DNAH5: variants seen among roughly 807,000 people sequenced by gnomAD.
The protein encoded by DNAH5 is dynein axonemal heavy chain 5.
Under a neutral mutation model 518.2 loss-of-function variants are expected in DNAH5, and 372 were observed. That is an observed-to-expected ratio of 0.72 (90% confidence interval 0.66 to 0.78). The LOEUF (loss-of-function observed/expected upper bound fraction) is 0.78. DNAH5 is among the 30% of genes least tolerant of loss of function. The pLI is 0.00. For synonymous variants in DNAH5, 2,039 were observed against 2,025.9 expected (o/e 1.01, Z -0.17); for missense variants, 5,523 against 5,687.0 (o/e 0.97, Z 0.93).
rs1753248992 is a variant in DNAH5 at position 13,770,891 on chromosome 5, C to G, written c.9463G>C (p.Gly3155Arg). Residue 3155 changes from glycine to arginine, a missense_variant, in exon 56 of 79, where the codon GGG becomes CGG. By Grantham distance (125) the Gly-to-Arg change is moderately radical. Coordinates refer to ENST00000265104, the MANE Select transcript of DNAH5 (RefSeq NM_001369.3). ...VVQCMGSFQD[G>R]VAEKCVDYFQ... ...TAATCAACACACTTCTCAGCCACCC[C>G]ATCCTGGAAGGAGCCCATGCATTGG... is the stretch of plus-strand genomic sequence containing the variant. 1 of 1,614,008 alleles carries G rather than the reference C, an allele frequency of 6.2e-7. No individual in the cohort carries two copies. The highest frequency in any genetic ancestry group is 8.5e-7 in the Non-Finnish European group (1 of 1,179,998).
In DNAH5 at chr5:13,807,659, A is replaced by C; in HGVS notation, c.7819T>G (p.Tyr2607Asp). The part of the protein sequence containing the change: ...TVIIKGFMSK[Y>D]DPECHMIKSL... ...TTGATCATGTGACATTCAGGATCAT[A>C]TTTTGACATAAATCCTTTAATTATT... is the stretch of plus-strand genomic sequence containing the variant. Residue 2607 changes from tyrosine to aspartate, a missense_variant, in exon 47 of 79, where the codon TAT (tyrosine) becomes GAT (aspartate). This residue lies in a region of DNAH5 where 5,121 missense variants were observed against 5,223.3 expected (regional missense o/e 0.98). Transcript: ENST00000265104. 6.2e-7 allele frequency: 1 copy of C among 1,611,332 alleles called. No individual in the cohort carries two copies. Among genetic ancestry groups the C allele is most frequent in the Non-Finnish European group, 8.5e-7 (1 of 1,178,012 alleles).
rs779916415 is a variant in DNAH5, at chr5:13,913,814, T to C, written c.1465A>G (p.Thr489Ala). The C allele has an allele frequency of 2.8e-5, 45 of 1,613,608 alleles. No individual in the cohort carries two copies. The highest frequency in any genetic ancestry group is 3.6e-5 in the Non-Finnish European group (43 of 1,179,620). Reference sequence around the variant, plus strand: ...TGCAGGACTGAATACGTCTTGAGGGTTGTAAAGATGTCTATTATCTTGGCA... The same window carrying C: ...TGCAGGACTGAATACGTCTTGAGGGCTGTAAAGATGTCTATTATCTTGGCA... ...RLAKIIDIFT[T>A]LKTYSVLQDS... Residue 489 changes from threonine to alanine, a missense_variant, in exon 11 of 79, where the codon ACC becomes GCC. Transcript: ENST00000265104.
intron 52 of DNAH5, among the ~76,000 whole-genome samples, chr5:13,785,213 C>A (rs528316196): frequency 6.6e-6 from 1 of 151,812 alleles, no homozygotes; most frequent in South Asian, 2.1e-4. Flanking sequence ...GAGCGTGCAA[C>A]TAGATCCTTC....
intron 24 of DNAH5, among the ~76,000 whole-genome samples, chr5:13,868,822 T>C (rs1308678634): frequency 6.6e-6 from 1 of 152,166 alleles, no homozygotes; most frequent in Non-Finnish European, 1.5e-5. Flanking sequence ...TGAGGAAGTA[T>C]AATAATCCTG....
chr5:13,914,784 T>A, intron 9 of DNAH5, 142 bp from the exon 10 acceptor site: 1 of 810,736 alleles, frequency 1.2e-6, no homozygotes, highest in Non-Finnish European at 2.0e-6. Context: ...TCCATCACAG[T>A]TATAATCCAC....
intron 65 of DNAH5, among the ~76,000 whole-genome samples, chr5:13,745,187 C>T (rs1436302915): frequency 6.6e-6 from 1 of 151,960 alleles, no homozygotes; most frequent in Non-Finnish European, 1.5e-5. Context: ...CCATTTTATT[C>T]TCTATGATCA....
Position 13,922,134 on chromosome 5 carries a change from C to T in DNAH5, c.633G>A (p.Ser211=), listed in dbSNP as rs151075351. ...TCTCCTTCAGACTCTCCTGTGCACC[C>T]GACAGGACGTTCACAAAGCCTTCCA... is the stretch of plus-strand genomic sequence containing the variant. ...SSLEGFVNVL[S]GAQESLKEKV... The change falls in exon 5 of 79, where the codon TCG becomes TCA. Residue 211 remains serine (S), a synonymous_variant. Coordinates refer to ENST00000265104, the MANE Select transcript of DNAH5 (RefSeq NM_001369.3). 110 of 1,614,032 alleles carry T rather than the reference C, an allele frequency of 6.8e-5. No homozygotes were observed. The highest frequency in any genetic ancestry group is 8.1e-5 in the Non-Finnish European group (95 of 1,179,984).
chr5:13,988,881 T>C (rs959282030), intron 1 of DNAH5, among the ~76,000 whole-genome samples: 1 of 151,668 alleles, frequency 6.6e-6, no homozygotes, highest in Non-Finnish European at 1.5e-5. Context: ...TGCCTGCCAC[T>C]ATGCCCAGCT....
chr5:13,829,396 G>C (rs1763333185), intron 38 of DNAH5, 114 bp downstream of exon 38: 17 of 1,021,964 alleles, frequency 1.7e-5, no homozygotes, highest in Non-Finnish European at 2.5e-5. Context: ...TCTACTCAGT[G>C]TCAATAAAAT....
intron 43 of DNAH5, among the ~76,000 whole-genome samples, chr5:13,813,052 C>T (rs1483012884): frequency 6.6e-6 from 1 of 152,200 alleles, no homozygotes; most frequent in Non-Finnish European, 1.5e-5. Flanking sequence ...GTCAGCAACA[C>T]AACTTTTCAA....
At chr5:13,875,313 C>T (rs563584456) in intron 22 of DNAH5, among the ~76,000 whole-genome samples, 141 of 151,882 alleles carry the variant, frequency 9.3e-4, no homozygotes, top group South Asian at 2.3e-3. Flanking sequence ...ACTAAAAATA[C>T]AAAATTAGCC....
intron 3 of DNAH5, 122 bp downstream of exon 3, chr5:13,927,972 C>T (rs896517966): frequency 2.0e-5 from 15 of 767,464 alleles, no homozygotes; most frequent in East Asian, 1.3e-4. Flanking sequence ...GACCCACACA[C>T]GCATCTCCCT....
Position 13,758,847 on chromosome 5 carries a change from T to C in DNAH5, c.10418A>G (p.Gln3473Arg), listed in dbSNP as rs1320998566. The change falls in exon 61 of 79, where the codon CAG becomes CGG. Residue 3473 changes from glutamine to arginine, a missense_variant and splice_region_variant. By Grantham distance (43) the Gln-to-Arg change is conservative (BLOSUM62 1). Transcript: ENST00000265104. Reference sequence around the variant, plus strand: ...CCTGCCATGACAAAGGGCAGTTACCTGCTTTTCAGTCATGGCCTGTTCATA... The same window carrying C: ...CCTGCCATGACAAAGGGCAGTTACCCGCTTTTCAGTCATGGCCTGTTCATA... ...AEYEQAMTEK[Q>R]TLLEDAERCR... 5 of 1,614,054 alleles carry C rather than the reference T, an allele frequency of 3.1e-6. No homozygotes were observed. Among genetic ancestry groups the C allele is most frequent in the Non-Finnish European group, 3.4e-6 (4 of 1,180,022 alleles).
Position 13,903,025 on chromosome 5 carries a change from T to C in DNAH5, c.1645-887A>G, listed in dbSNP as rs188923200. 3.9e-5 allele frequency among the ~76,000 whole-genome samples: 6 copies of C among 152,240 alleles called. No individual in the cohort carries two copies. In the East Asian group the frequency reaches 1.2e-3, roughly 29 times the overall value. ...GAGCAGAATGCACAAACAGAATTAGTAACCAAGTACTAAAAATGATAGAGC... is the reference window on the plus strand; with the variant it reads ...GAGCAGAATGCACAAACAGAATTAGCAACCAAGTACTAAAAATGATAGAGC... On this transcript the variant is annotated intron_variant, in intron 12 of 78. Transcript: ENST00000265104.
At chr5:13,833,982 A>T (rs762425764) in intron 35 of DNAH5, among the ~76,000 whole-genome samples, 6 of 152,322 alleles carry the variant, frequency 3.9e-5, no homozygotes, top group Non-Finnish European at 8.8e-5. Flanking sequence ...GGCTGACAAC[A>T]TGTCAGTGCC....
intron 70 of DNAH5, among the ~76,000 whole-genome samples, 162 bp from the exon 71 acceptor site, chr5:13,721,407 A>T (rs1364166981): frequency 6.6e-6 from 1 of 152,166 alleles, no homozygotes; most frequent in African/African-American, 2.4e-5. Flanking sequence ...TTGTTTGTTT[A>T]TATCTCCATT....
At chr5:13,878,011 A>T (rs1432494168) in intron 21 of DNAH5, among the ~76,000 whole-genome samples, 2 of 152,126 alleles carry the variant, frequency 1.3e-5, no homozygotes, top group Admixed American at 1.3e-4. Context: ...CTACATTCTA[A>T]AACTCCTATC....
At position 13,814,744 on chromosome 5, in the gene DNAH5, C is replaced by G. The variant is rs373657849; in HGVS notation, c.7091G>C (p.Gly2364Ala). 8.0e-5 allele frequency: 129 copies of G among 1,613,970 alleles called. No homozygotes were observed. Among genetic ancestry groups the G allele is most frequent in the Non-Finnish European group, 1.0e-4 (122 of 1,180,020 alleles). The part of the protein sequence containing the change: ...DDNKTLTLAN[G>A]DRIPMAPNCK... ...GTTTGGAGCCATGGGAATCCGATCA[C>G]CATTGGCAAGGGTTAGAGTTTTGTT... The change falls in exon 43 of 79, where the codon GGT becomes GCT. Residue 2364 changes from glycine (G) to alanine (A), a missense_variant. Coordinates refer to ENST00000265104, the MANE Select transcript of DNAH5 (RefSeq NM_001369.3).
intron 1 of DNAH5, among the ~76,000 whole-genome samples, chr5:13,965,202 TTAA>T (rs1781449478): frequency 6.6e-6 from 1 of 152,186 alleles, no homozygotes; most frequent in Non-Finnish European, 1.5e-5. Flanking sequence ...TGAGAGGGCA[TTAA>T]TAATATTTTA....
Sources: allele counts gnomAD v4.1 joint callset (sites outside exome capture counted in the v4.1 genomes callset), GRCh38; gene constraint gnomAD v4.1.1; regional missense constraint gnomAD v4.1.1; transcripts MANE v1.5; gene names NCBI Gene and HGNC (gene_info 2026-07-23, HGNC 2026-07-21).